SND1: variants seen among roughly 807,000 people sequenced by gnomAD.
SND1 encodes staphylococcal nuclease and tudor domain containing 1.
Under a neutral mutation model 121.7 loss-of-function variants are expected in SND1, and 38 were observed. That is an observed-to-expected ratio of 0.31 (90% CI 0.24 to 0.41). SND1 has a LOEUF of 0.41. Ranked by LOEUF, SND1 falls within the 10% of genes least tolerant of loss-of-function variation. SND1 has a pLI of 1.00. For synonymous variants in SND1, 401 were observed against 447.4 expected (o/e 0.90, Z 1.31); for missense variants, 868 against 1,184.6 (o/e 0.73, Z 3.92).
chr7:128,029,564 A>G lies in SND1; in HGVS notation c.1779+38508A>G. 1.9e-6 allele frequency: 3 copies of G among 1,614,020 alleles called. No individual in the cohort carries two copies. The East Asian group carries it at 6.7e-5, about 36-fold the overall frequency. On this transcript the variant is annotated intron_variant, in intron 16 of 23. Coordinates refer to ENST00000354725, the MANE Select transcript of SND1 (RefSeq NM_014390.4). The surrounding 1 kb of genome is among the most constrained non-coding windows in gnomAD (Gnocchi z 4.2). ...GACCCTCAGAAATGTTGAGGTCTCG[A>G]GGTGCGTCCATGATGAAGGGGGCAG...
intron 10 of SND1, among the ~76,000 whole-genome samples, chr7:127,778,883 A>C (rs2116514663): frequency 6.6e-6 from 1 of 152,250 alleles, no homozygotes; most frequent in South Asian, 2.1e-4. Context: ...CACCTCACCT[A>C]GCTGGGAGCT....
At chr7:127,704,689 A>T in intron 7 of SND1, 150 bp from the exon 8 acceptor site, 1 of 655,492 alleles carries the variant, frequency 1.5e-6, no homozygotes, top group Non-Finnish European at 2.7e-6. Flanking sequence ...GTGGTTTCGT[A>T]GTGAGAGAAG....
chr7:128,008,139 G>C (rs970742681), intron 16 of SND1: 5 of 152,244 alleles, frequency 3.3e-5, no homozygotes, highest in African/African-American at 1.2e-4. Flanking sequence ...GAGGCAGACA[G>C]AAGAGGTAAG....
intron 10 of SND1, among the ~76,000 whole-genome samples, chr7:127,773,988 G>A (rs531587169): frequency 3.4e-4 from 52 of 151,908 alleles, no homozygotes; most frequent in Admixed American, 4.6e-4. Flanking sequence ...ACTTCCAGTC[G>A]TATAATAATA....
intron 11 of SND1, among the ~76,000 whole-genome samples, chr7:127,842,414 T>C (rs1437476829): frequency 6.6e-6 from 1 of 152,194 alleles, no homozygotes; most frequent in East Asian, 1.9e-4. Flanking sequence ...AAGCATTGTT[T>C]AGTGTGTTCA....
intron 10 of SND1, among the ~76,000 whole-genome samples, chr7:127,737,319 A>C (rs1173155061): frequency 6.6e-6 from 1 of 152,174 alleles, no homozygotes; most frequent in Non-Finnish European, 1.5e-5. Context: ...TCATGCTTGT[A>C]ATCCCAGCAC....
chr7:127,990,887 T>C, intron 15 of SND1, 60 bp from the exon 16 acceptor site: 1 of 1,223,048 alleles, frequency 8.2e-7, no homozygotes, highest in Non-Finnish European at 1.2e-6. Flanking sequence ...ACCGTCCTTA[T>C]TGGACAGCAA....
chr7:127,863,282 C>T (rs1799411757), intron 12 of SND1, among the ~76,000 whole-genome samples: 1 of 152,180 alleles, frequency 6.6e-6, no homozygotes, highest in Non-Finnish European at 1.5e-5. Flanking sequence ...CCTCCTGCTG[C>T]TCTTAAAAGC....
rs1184565821 is a variant in SND1, at chr7:127,833,841, G to A, written c.1243-10483G>A. Among the ~76,000 whole-genome samples the A allele has an allele frequency of 2.6e-5, 4 of 151,970 alleles. No individual in the cohort carries two copies. In the East Asian group the frequency reaches 5.8e-4, roughly 22 times the overall value. On this transcript the variant is annotated intron_variant, in intron 11 of 23. Transcript: ENST00000354725. ...ACTTTTTCTTTCCTCTTGCACAATC[G>A]AAACTCTATACCCATTAAATAAATC... is the stretch of plus-strand genomic sequence containing the variant.
intron 15 of SND1, among the ~76,000 whole-genome samples, chr7:127,987,429 T>C (rs986755215): frequency 1.2e-4 from 18 of 152,206 alleles, no homozygotes; most frequent in Admixed American, 9.2e-4. Context: ...GCATAATAAC[T>C]CTGCTCGCTG....
At chr7:127,921,230 A>G (rs1257718753) in intron 14 of SND1, among the ~76,000 whole-genome samples, 1 of 152,210 alleles carries the variant, frequency 6.6e-6, no homozygotes, top group Non-Finnish European at 1.5e-5. Context: ...GGATGACCTC[A>G]TGCTCCATCT....
chr7:128,020,235 A>T (rs6968751), intron 16 of SND1, among the ~76,000 whole-genome samples: 1 of 152,104 alleles, frequency 6.6e-6, no homozygotes, highest in African/African-American at 2.4e-5. Context: ...TCTGTCTCAG[A>T]GCATTAAGCA....
intron 12 of SND1, 121 bp downstream of exon 12, chr7:127,844,545 T>G (rs41281725): frequency 2.6e-6 from 2 of 756,350 alleles, no homozygotes; most frequent in Non-Finnish European, 4.2e-6. Flanking sequence ...ACTCAGTGGT[T>G]TATAATTTTG....
intron 12 of SND1, among the ~76,000 whole-genome samples, chr7:127,847,719 G>A (rs1478899071): frequency 6.6e-6 from 1 of 152,198 alleles, no homozygotes; most frequent in East Asian, 1.9e-4. Context: ...TAAAGCATGT[G>A]TTATTGAGCA....
chr7:127,904,500 T>C, intron 13 of SND1: 1 of 332,658 alleles, frequency 3.0e-6, no homozygotes. Flanking sequence ...CTCTGATTAC[T>C]AAGCACACTG....
At chr7:127,944,248 T>C (rs529547310) in intron 15 of SND1, among the ~76,000 whole-genome samples, 1 of 152,336 alleles carries the variant, frequency 6.6e-6, no homozygotes, top group African/African-American at 2.4e-5. Context: ...TCTACTTGGC[T>C]CTGGGCCAGG....
chr7:127,748,069 T>C (rs1029590119), intron 10 of SND1, among the ~76,000 whole-genome samples: 1 of 152,224 alleles, frequency 6.6e-6, no homozygotes, highest in South Asian at 2.1e-4. Context: ...GCCAAGTCAG[T>C]GTTCACCTTG....
chr7:127,886,928 C>G (rs914538732), intron 12 of SND1, among the ~76,000 whole-genome samples: 8 of 150,830 alleles, frequency 5.3e-5, no homozygotes, highest in Non-Finnish European at 1.2e-4. Context: ...TTTTGTAGCT[C>G]CCATGGAGTA....
chr7:127,848,932 G>A (rs77354362), intron 12 of SND1, among the ~76,000 whole-genome samples: 52 of 152,210 alleles, frequency 3.4e-4, no homozygotes, highest in Non-Finnish European at 6.3e-4. Flanking sequence ...CTTCCTATCT[G>A]TTTCCCCTGG....
Sources: gnomAD v4.1 joint callset for allele counts (sites outside exome capture counted in the v4.1 genomes callset) on GRCh38, gnomAD v4.1.1 for gene constraint, Gnocchi (gnomAD v3.1) non-coding constraint, MANE v1.5 for transcripts, NCBI Gene and HGNC (gene_info 2026-07-23, HGNC 2026-07-21) for gene names.